MAF: variants seen among roughly 807,000 people sequenced by gnomAD.
MAF encodes the protein MAF bZIP transcription factor.
A neutral mutation model predicts 22.0 loss-of-function variants in MAF; 10 were observed. The observed-to-expected ratio is 0.45, with a 90% CI of 0.28 to 0.77. MAF has a LOEUF of 0.77. Among genes scored for constraint, MAF ranks in the 30% least tolerant of loss-of-function variants. The pLI, the probability that MAF is intolerant of heterozygous loss-of-function variation, is 0.12. For synonymous variants in MAF, 337 were observed against 255.8 expected (o/e 1.32, Z -3.03); for missense variants, 544 against 548.4 (o/e 0.99, Z 0.08).
chr16:79,246,270 T>A, the MAF span, among the ~76,000 whole-genome samples: 1 of 152,192 alleles, frequency 6.6e-6, no homozygotes, highest in African/African-American at 2.4e-5. Context: ...AAATCGTTAA[T>A]GACTACTTTG....
chr16:79,594,622 C>G (rs1913400635), intron 1 of MAF, 69 bp from the exon 2 acceptor site: 4 of 1,530,070 alleles, frequency 2.6e-6, no homozygotes, highest in East Asian at 2.5e-5. Flanking sequence ...AAGGGGAAAG[C>G]TAGATTTCCT....
chr16:79,475,674 A>T, the MAF span, among the ~76,000 whole-genome samples: 1 of 152,186 alleles, frequency 6.6e-6, no homozygotes, highest in South Asian at 2.1e-4. Context: ...AAAATTGGGC[A>T]GCTAAGATTT....
At chr16:79,382,240 G>GT in the MAF span, among the ~76,000 whole-genome samples, 1 of 152,172 alleles carries the variant, frequency 6.6e-6, no homozygotes, top group Non-Finnish European at 1.5e-5. Context: ...ATTTCACCTG[G>GT]TAAATGAGTG....
the MAF span, among the ~76,000 whole-genome samples, chr16:79,472,876 A>G: frequency 2.6e-5 from 4 of 152,050 alleles, no homozygotes; most frequent in Non-Finnish European, 5.9e-5. Flanking sequence ...AAAGAGCATG[A>G]GTTCCTGTCC....
the MAF span, among the ~76,000 whole-genome samples, chr16:79,393,517 C>T: frequency 6.6e-6 from 1 of 152,240 alleles, no homozygotes; most frequent in Non-Finnish European, 1.5e-5. Context: ...TCTGTCCTTT[C>T]ATTCCATGAT....
chr16:79,350,474 T>C, the MAF span, among the ~76,000 whole-genome samples: 10 of 152,342 alleles, frequency 6.6e-5, no homozygotes, highest in Middle Eastern at 3.4e-3. Flanking sequence ...TCATTTTCTT[T>C]TCTTTCTGAG....
the MAF span, among the ~76,000 whole-genome samples, chr16:79,545,736 A>G: frequency 6.6e-6 from 1 of 152,170 alleles, no homozygotes; most frequent in Non-Finnish European, 1.5e-5. Flanking sequence ...GGTGGTTACC[A>G]GAAGCCAGGG....
At chr16:79,530,756 T>G in the MAF span, among the ~76,000 whole-genome samples, 96,859 of 152,032 alleles carry the variant, frequency 0.64, 31,625 homozygotes, top group Non-Finnish European at 0.72. Context: ...TAACGATCAA[T>G]TGTGGTTTAT....
At chr16:79,384,465 A>T in the MAF span, among the ~76,000 whole-genome samples, 4 of 150,526 alleles carry the variant, frequency 2.7e-5, no homozygotes, top group Non-Finnish European at 5.9e-5. Context: ...AAAAAAAAAA[A>T]AAAAGGGAGC....
At chr16:79,398,604 G>A in the MAF span, among the ~76,000 whole-genome samples, 4 of 152,114 alleles carry the variant, frequency 2.6e-5, no homozygotes, top group Non-Finnish European at 4.4e-5. Context: ...ACAGGCTTGT[G>A]GCTGAATTCT....
the MAF span, among the ~76,000 whole-genome samples, chr16:79,249,213 A>G: frequency 6.6e-6 from 1 of 152,152 alleles, no homozygotes; most frequent in African/African-American, 2.4e-5. Context: ...TGAGGTCGGG[A>G]GTTCGAGACC....
the MAF span, among the ~76,000 whole-genome samples, chr16:79,525,688 T>C: frequency 6.7e-6 from 1 of 148,964 alleles, no homozygotes; most frequent in Non-Finnish European, 1.5e-5. Context: ...ACACCTGGTG[T>C]TTAAAGCCTG....
the MAF span, among the ~76,000 whole-genome samples, chr16:79,572,875 A>T: frequency 6.6e-6 from 1 of 152,236 alleles, no homozygotes; most frequent in African/African-American, 2.4e-5. Flanking sequence ...AAAAGGTGTT[A>T]TGTCTGTGAA....
the MAF span, among the ~76,000 whole-genome samples, chr16:79,568,320 T>C: frequency 6.6e-6 from 1 of 152,204 alleles, no homozygotes; most frequent in African/African-American, 2.4e-5. Flanking sequence ...ACTCACAAGA[T>C]GACCCACAGG....
chr16:79,212,441 G>C, the MAF span: 22 of 282,076 alleles, frequency 7.8e-5, no homozygotes, highest in Non-Finnish European at 1.1e-4. Flanking sequence ...AAATTCTTTA[G>C]AGATTATAAC....
chr16:79,427,184 G>C, the MAF span, among the ~76,000 whole-genome samples: 1 of 152,170 alleles, frequency 6.6e-6, no homozygotes, highest in Admixed American at 6.5e-5. Context: ...TTTTAGAAAA[G>C]AAAACATAAA....
the MAF span, among the ~76,000 whole-genome samples, chr16:79,372,419 G>A: frequency 2.0e-5 from 3 of 152,246 alleles, no homozygotes; most frequent in Middle Eastern, 6.8e-3. Flanking sequence ...TGTGATATAT[G>A]TCTGCTCAGA....
At chr16:79,245,892 T>C in the MAF span, among the ~76,000 whole-genome samples, 5 of 151,850 alleles carry the variant, frequency 3.3e-5, no homozygotes, top group Admixed American at 1.3e-4. Context: ...AAAGGATGAG[T>C]TCATGTTTTC....
chr16:79,231,238 G>A, the MAF span, among the ~76,000 whole-genome samples: 2 of 152,008 alleles, frequency 1.3e-5, no homozygotes, highest in Non-Finnish European at 2.9e-5. Context: ...AGTGCTCAAA[G>A]GCCAGACTTG....
Sources: gnomAD v4.1 joint callset for allele counts (sites outside exome capture counted in the v4.1 genomes callset) on GRCh38, gnomAD v4.1.1 for gene constraint, MANE v1.5 for transcripts, NCBI Gene and HGNC (gene_info 2026-07-23, HGNC 2026-07-21) for gene names.